QSOX2: variants seen among roughly 807,000 people sequenced by gnomAD.
QSOX2 encodes sulfhydryl oxidase 2.
Under a neutral mutation model 61.7 loss-of-function variants are expected in QSOX2, and 46 were observed. The ratio of observed to expected loss-of-function variants is 0.75; its 90% CI spans 0.59 to 0.95. The LOEUF is 0.95. QSOX2 is among the 40% of genes least tolerant of loss of function. The pLI, the probability that QSOX2 is intolerant of heterozygous loss-of-function variation, is 0.00. For synonymous variants in QSOX2, 383 were observed against 388.4 expected (o/e 0.99, Z 0.16); for missense variants, 879 against 918.9 (o/e 0.96, Z 0.56).
chr9:136,230,873 C>A (rs1830323470), intron 1 of QSOX2, among the ~76,000 whole-genome samples: 2 of 152,296 alleles, frequency 1.3e-5, no homozygotes, highest in South Asian at 4.1e-4. Context: ...GTCCCACCAC[C>A]CCTGGGCCTC....
Position 136,223,799 on chromosome 9 carries a change from A to G in QSOX2, c.639T>C (p.Ile213=). 1 of 1,614,082 alleles carries G rather than the reference A, an allele frequency of 6.2e-7. No individual in the cohort carries two copies. The highest frequency in any genetic ancestry group is 1.3e-5 in the African/African-American group (1 of 75,032). The change falls in exon 5 of 12, where the codon ATT becomes ATC. Residue 213 remains isoleucine, a synonymous_variant. Coordinates refer to ENST00000358701, the MANE Select transcript of QSOX2 (RefSeq NM_181701.4). The surrounding 1 kb of genome is among the most constrained non-coding windows in gnomAD (Gnocchi z 4.4). ...LDNRGSHYVA[I]VFESNSSYLG... ...GGTAGGAGCTGTTGCTTTCAAAGAC[A>G]ATAGCCACGTAATGGCTGCCACGGT...
intron 8 of QSOX2, among the ~76,000 whole-genome samples, chr9:136,218,468 C>T (rs1038628613): frequency 2.0e-5 from 3 of 152,374 alleles, no homozygotes; most frequent in Admixed American, 6.5e-5. Context: ...CTACACCCAC[C>T]GCCCCAGCCC....
At chr9:136,237,565 GT>G (rs1830398139) in intron 1 of QSOX2, among the ~76,000 whole-genome samples, 1 of 134,772 alleles carries the variant, frequency 7.4e-6, no homozygotes, top group African/African-American at 3.2e-5. Flanking sequence ...AGCCCGTCCT[GT>G]GGCGGCGTCA....
intron 6 of QSOX2, among the ~76,000 whole-genome samples, chr9:136,220,445 C>T (rs1456091622): frequency 1.3e-5 from 2 of 152,376 alleles, no homozygotes; most frequent in East Asian, 3.9e-4. Flanking sequence ...ACAGGAAACA[C>T]GTCCTATCTT....
intron 1 of QSOX2, 112 bp downstream of exon 1, chr9:136,245,364 A>T: frequency 1.1e-6 from 1 of 890,660 alleles, no homozygotes; most frequent in Non-Finnish European, 1.7e-6. Context: ...TGCGGTAAGG[A>T]AAGAAATACG....
At chr9:136,215,917 G>A (rs571836407) in intron 9 of QSOX2, among the ~76,000 whole-genome samples, 4 of 152,334 alleles carry the variant, frequency 2.6e-5, no homozygotes, top group African/African-American at 9.6e-5. Context: ...CCTCGAGCTC[G>A]GAGTAGAGTC....
At chr9:136,219,353 G>A (rs1250208164) in intron 6 of QSOX2, among the ~76,000 whole-genome samples, 189 bp from the exon 7 acceptor site, 1 of 152,202 alleles carries the variant, frequency 6.6e-6, no homozygotes, top group Non-Finnish European at 1.5e-5. Context: ...GGGGATAAGA[G>A]GAGACACACC....
At chr9:136,234,643 C>G (rs1465764418) in intron 1 of QSOX2, among the ~76,000 whole-genome samples, 1 of 152,220 alleles carries the variant, frequency 6.6e-6, no homozygotes. Flanking sequence ...GCTGCTGTCA[C>G]TAAGACCTCT....
intron 1 of QSOX2, among the ~76,000 whole-genome samples, chr9:136,227,783 T>G (rs765035559): frequency 6.6e-6 from 1 of 151,968 alleles, no homozygotes; most frequent in African/African-American, 2.4e-5. Flanking sequence ...GAGACCAGCC[T>G]GGGCAACATG....
intron 8 of QSOX2, 22 bp from the exon 9 acceptor site, chr9:136,216,744 T>G: frequency 1.2e-6 from 2 of 1,611,992 alleles, no homozygotes; most frequent in Non-Finnish European, 8.5e-7. Flanking sequence ...AGGAGCCACC[T>G]GAGAGCTACA....
intron 1 of QSOX2, among the ~76,000 whole-genome samples, chr9:136,231,289 A>C (rs533751297): frequency 1.3e-5 from 2 of 152,146 alleles, no homozygotes; most frequent in African/African-American, 4.8e-5. Flanking sequence ...ATACGCCCCC[A>C]TCCTACCGTG....
chr9:136,217,276 GCT>G (rs1269489121), intron 8 of QSOX2, among the ~76,000 whole-genome samples: 3 of 152,228 alleles, frequency 2.0e-5, no homozygotes. Context: ...AGATCCCAGG[GCT>G]CTGTCTTTTT....
At chr9:136,242,953 G>A (rs1279974060) in intron 1 of QSOX2, among the ~76,000 whole-genome samples, 2 of 152,202 alleles carry the variant, frequency 1.3e-5, no homozygotes, top group East Asian at 3.8e-4. Flanking sequence ...GGAGACCCCA[G>A]GGCAACCTGA....
intron 11 of QSOX2, chr9:136,210,840 T>G (rs1419408514): frequency 1.0e-6 from 1 of 984,908 alleles, no homozygotes; most frequent in Non-Finnish European, 1.2e-6. Context: ...ATTATTTTTT[T>G]TTAACAAAAC....
At chr9:136,212,391 G>C (rs1429800232) in intron 10 of QSOX2, among the ~76,000 whole-genome samples, 1 of 152,240 alleles carries the variant, frequency 6.6e-6, no homozygotes, top group East Asian at 1.9e-4. Context: ...AGCAGGCCCT[G>C]GGGGAGCTTC....
At chr9:136,217,101 G>A (rs755926355) in intron 8 of QSOX2, among the ~76,000 whole-genome samples, 8 of 152,246 alleles carry the variant, frequency 5.3e-5, no homozygotes, top group Non-Finnish European at 8.8e-5. Flanking sequence ...GAGCTGTGCT[G>A]ACCCCGCCTG....
chr9:136,223,798 C>G lies in QSOX2; in HGVS notation c.640G>C (p.Val214Leu), dbSNP rs1354458415. 1 of 1,613,904 alleles carries G rather than the reference C, an allele frequency of 6.2e-7. No individual in the cohort carries two copies. The highest frequency in any genetic ancestry group is 1.1e-5 in the South Asian group (1 of 91,088). ...AGGTAGGAGCTGTTGCTTTCAAAGA[C>G]AATAGCCACGTAATGGCTGCCACGG... ...DNRGSHYVAI[V>L]FESNSSYLGR... Residue 214 changes from valine to leucine, a missense_variant, in exon 5 of 12, where the codon GTC becomes CTC. By Grantham distance (32) the Val-to-Leu change is conservative. Transcript: ENST00000358701. The surrounding 1 kb of genome is among the most constrained non-coding windows in gnomAD (Gnocchi z 4.4).
At chr9:136,233,299 A>G (rs952928428) in intron 1 of QSOX2, among the ~76,000 whole-genome samples, 3 of 152,232 alleles carry the variant, frequency 2.0e-5, no homozygotes, top group African/African-American at 7.2e-5. Context: ...TGCCTTTTAC[A>G]GTGATTTCAT....
chr9:136,244,347 C>T (rs1830453990), intron 1 of QSOX2, among the ~76,000 whole-genome samples: 1 of 152,134 alleles, frequency 6.6e-6, no homozygotes, highest in South Asian at 2.1e-4. Flanking sequence ...AATCAAAAGG[C>T]CCCAGCTCTC....
Sources: allele counts gnomAD v4.1 joint callset (sites outside exome capture counted in the v4.1 genomes callset), GRCh38; gene constraint gnomAD v4.1.1; non-coding constraint Gnocchi (gnomAD v3.1); transcripts MANE v1.5; gene names NCBI Gene and HGNC (gene_info 2026-07-23, HGNC 2026-07-21).